FGF14: variants seen among roughly 807,000 people sequenced by gnomAD.
FGF14 encodes fibroblast growth factor homologous factor 4.
A neutral mutation model predicts 25.5 loss-of-function variants in FGF14; 5 were observed. The ratio of observed to expected loss-of-function variants is 0.20; its 90% CI spans 0.10 to 0.41. The LOEUF is 0.41. FGF14 is among the 10% of genes least tolerant of loss of function. The pLI, the probability that FGF14 is intolerant of heterozygous loss-of-function variation, is 1.00. For missense variants in FGF14, 222 were observed against 320.1 expected (o/e 0.69, Z 2.34); for synonymous variants, 138 against 118.3 (o/e 1.17, Z -1.08).
intron 1 of FGF14, among the ~76,000 whole-genome samples, chr13:102,037,252 T>C (rs2041521247): frequency 6.6e-6 from 1 of 152,134 alleles, no homozygotes. Context: ...CAGAAATTTA[T>C]TGTTCTGTAT....
chr13:101,893,614 A>G (rs922951846), intron 1 of FGF14, among the ~76,000 whole-genome samples: 8 of 152,156 alleles, frequency 5.3e-5, no homozygotes, highest in African/African-American at 9.7e-5. Flanking sequence ...CTATTAAGTA[A>G]TTATCAGAAA....
intron 1 of FGF14, among the ~76,000 whole-genome samples, chr13:102,288,395 T>C (rs1448927293): frequency 6.6e-6 from 1 of 152,136 alleles, no homozygotes; most frequent in Non-Finnish European, 1.5e-5. Flanking sequence ...ATAATATTCA[T>C]AGAATTAAAA....
intron 1 of FGF14, among the ~76,000 whole-genome samples, chr13:101,978,460 G>T (rs1456510247): frequency 2.0e-5 from 3 of 152,156 alleles, no homozygotes; most frequent in African/African-American, 7.2e-5. Context: ...AAAAAACACT[G>T]TTATCAAAGA....
chr13:101,908,919 C>A (rs950041089), intron 1 of FGF14, among the ~76,000 whole-genome samples: 1 of 152,022 alleles, frequency 6.6e-6, no homozygotes, highest in South Asian at 2.1e-4. Context: ...CAGAACAGAG[C>A]CCTCAGAAAT....
intron 1 of FGF14, among the ~76,000 whole-genome samples, chr13:102,280,251 T>C (rs2053761713): frequency 6.6e-6 from 1 of 152,202 alleles, no homozygotes; most frequent in Admixed American, 6.5e-5. Flanking sequence ...TTTAAAATTA[T>C]GTAGCAGGTT....
At chr13:102,401,867 C>T, upstream of FGF14, 1 of 620,590 alleles carries the variant, frequency 1.6e-6, no homozygotes, top group South Asian at 1.9e-5. Context: ...AACAGAAAAG[C>T]AAAGAGATCC....
chr13:102,056,223 A>G (rs928189893), intron 1 of FGF14, among the ~76,000 whole-genome samples: 1 of 152,210 alleles, frequency 6.6e-6, no homozygotes, highest in South Asian at 2.1e-4. Context: ...AGAAAGACAA[A>G]GCTATTTGGC....
intron 1 of FGF14, among the ~76,000 whole-genome samples, chr13:101,924,060 G>A (rs922909480): frequency 6.6e-6 from 1 of 151,896 alleles, no homozygotes; most frequent in Admixed American, 6.6e-5. Flanking sequence ...AATCAGTAGT[G>A]GAAGATTAAA....
intron 1 of FGF14, among the ~76,000 whole-genome samples, chr13:102,206,004 A>C (rs1429590286): frequency 3.0e-5 from 1 of 33,162 alleles, no homozygotes; most frequent in African/African-American, 4.2e-4. Context: ...AAAAAAAAAA[A>C]AAAAAAAAAA....
chr13:102,365,013 C>A (rs1374608997), intron 1 of FGF14, among the ~76,000 whole-genome samples: 3 of 152,136 alleles, frequency 2.0e-5, no homozygotes, highest in Non-Finnish European at 2.9e-5. Flanking sequence ...TACCTAACTT[C>A]CAACGCTCTT....
chr13:102,293,332 T>C (rs2054527194), intron 1 of FGF14: 1 of 152,222 alleles, frequency 6.6e-6, no homozygotes, highest in African/African-American at 2.4e-5. Flanking sequence ...ATCAGCACTC[T>C]CAAAAAATGA....
intron 3 of FGF14, among the ~76,000 whole-genome samples, chr13:101,867,607 T>G (rs2044782355): frequency 6.6e-6 from 1 of 152,140 alleles, no homozygotes; most frequent in Admixed American, 6.6e-5. Flanking sequence ...TCGTATTTAA[T>G]TTTTTCTAAA....
intron 1 of FGF14, among the ~76,000 whole-genome samples, chr13:102,048,834 C>T (rs1256873299): frequency 6.6e-6 from 1 of 152,118 alleles, no homozygotes; most frequent in Non-Finnish European, 1.5e-5. Flanking sequence ...CCTTTGCTTC[C>T]CCAGCTATGG....
chr13:101,855,609 A>T (rs959277025), intron 3 of FGF14, among the ~76,000 whole-genome samples: 2 of 152,004 alleles, frequency 1.3e-5, no homozygotes, highest in African/African-American at 2.4e-5. Flanking sequence ...TATTAGAAAC[A>T]TAATGAAGTT....
intron 3 of FGF14, among the ~76,000 whole-genome samples, chr13:101,747,987 A>G (rs943789244): frequency 3.9e-5 from 6 of 152,036 alleles, no homozygotes; most frequent in African/African-American, 9.7e-5. Flanking sequence ...GAGGATGCAG[A>G]GGAAAAGAAA....
intron 3 of FGF14, among the ~76,000 whole-genome samples, chr13:101,832,037 A>G (rs2042694637): frequency 6.6e-6 from 1 of 152,116 alleles, no homozygotes; most frequent in African/African-American, 2.4e-5. Context: ...CAATTAAGTT[A>G]AGGATCTTGG....
At chr13:102,194,372 C>G (rs1339711573) in intron 1 of FGF14, among the ~76,000 whole-genome samples, 1 of 151,928 alleles carries the variant, frequency 6.6e-6, no homozygotes, top group Non-Finnish European at 1.5e-5. Context: ...ACATATCAAC[C>G]CGTCACCTAG....
chr13:102,156,517 C>A (rs1483073870), intron 1 of FGF14, among the ~76,000 whole-genome samples: 2 of 152,040 alleles, frequency 1.3e-5, no homozygotes, highest in African/African-American at 2.4e-5. Flanking sequence ...ATCTCAAAAT[C>A]ATAAGAGCTA....
intron 3 of FGF14, among the ~76,000 whole-genome samples, chr13:101,789,632 G>T (rs1041257): frequency 0.88 from 133,124 of 152,120 alleles, 59,624 homozygotes; most frequent in East Asian, 1. Context: ...GAGGTTCATG[G>T]GTTCTCCAAC....
Sources: allele counts gnomAD v4.1 joint callset (sites outside exome capture counted in the v4.1 genomes callset), GRCh38; gene constraint gnomAD v4.1.1; transcripts MANE v1.5; gene names NCBI Gene and HGNC (gene_info 2026-07-23, HGNC 2026-07-21).